The following ATP8A2 variants were observed in gnomAD, a reference collection of about 807,000 sequenced individuals.
The protein encoded by ATP8A2 is phospholipid-transporting ATPase IB.
A neutral mutation model predicts 165.6 loss-of-function variants in ATP8A2; 100 were observed. The observed-to-expected ratio is 0.60, with a 90% confidence interval of 0.51 to 0.71. ATP8A2 has a LOEUF of 0.71. Ranked by LOEUF, ATP8A2 falls within the 30% of genes least tolerant of loss-of-function variation. The pLI, the probability that ATP8A2 is intolerant of heterozygous loss-of-function variation, is 0.00. For missense variants in ATP8A2, 1,227 were observed against 1,479.5 expected (o/e 0.83, Z 2.80); for synonymous variants, 543 against 548.8 (o/e 0.99, Z 0.15).
intron 35 of ATP8A2, among the ~76,000 whole-genome samples, chr13:25,988,480 C>G (rs1158545878): frequency 2.0e-5 from 3 of 152,244 alleles, no homozygotes; most frequent in African/African-American, 7.2e-5. Context: ...GGGAACTCAG[C>G]TGCACACACA....
At chr13:25,553,406 G>A (rs547928717) in intron 11 of ATP8A2, among the ~76,000 whole-genome samples, 1 of 151,966 alleles carries the variant, frequency 6.6e-6, no homozygotes, top group African/African-American at 2.4e-5. Context: ...CAATATACAC[G>A]TACCTTAGTG....
chr13:25,434,769 C>T (rs2034708525), intron 1 of ATP8A2, among the ~76,000 whole-genome samples: 1 of 152,184 alleles, frequency 6.6e-6, no homozygotes, highest in African/African-American at 2.4e-5. Context: ...GTCTCTCACT[C>T]TTTTTTCATT....
At position 25,774,944 on chromosome 13, in the gene ATP8A2, C is replaced by G. The variant is rs2044708898; in HGVS notation, c.2664C>G (p.Val888=). 1 of 1,605,722 alleles carries G rather than the reference C, an allele frequency of 6.2e-7. No homozygotes were observed. Among genetic ancestry groups the G allele is most frequent in the East Asian group, 2.2e-5 (1 of 44,804 alleles). The change falls in exon 27 of 37, where the codon GTC becomes GTG. Residue 888 remains valine, a synonymous_variant. Transcript: ENST00000381655. ...TGTACTGCTTCTATAAGAACGTGGT[C>G]CTGTATATTATTGAGGTAAGAAGGG... ...CILYCFYKNV[V]LYIIELWFAF...
chr13:25,504,421 CTTTT>C (rs577817952), intron 2 of ATP8A2, among the ~76,000 whole-genome samples: 38 of 124,172 alleles, frequency 3.1e-4, no homozygotes, highest in African/African-American at 1.1e-3. Context: ...CTTTCCTTTC[CTTTT>C]TTTTTTTTTT....
intron 33 of ATP8A2, among the ~76,000 whole-genome samples, chr13:25,937,324 A>AT (rs1287514866): frequency 8.6e-5 from 7 of 80,944 alleles, no homozygotes; most frequent in African/African-American, 2.9e-4. Context: ...CTTTTGTGGC[A>AT]TTTTATTTTT....
intron 25 of ATP8A2, among the ~76,000 whole-genome samples, chr13:25,749,495 T>C (rs1299837816): frequency 6.6e-6 from 1 of 151,634 alleles, no homozygotes; most frequent in Admixed American, 6.6e-5. Context: ...AGTGGGAATG[T>C]GGGTGAGGAG....
At chr13:25,675,240 A>G (rs1305628433) in intron 24 of ATP8A2, among the ~76,000 whole-genome samples, 1 of 152,218 alleles carries the variant, frequency 6.6e-6, no homozygotes, top group East Asian at 1.9e-4. Context: ...TTTGCATTGC[A>G]TGACCCGTAA....
intron 24 of ATP8A2, among the ~76,000 whole-genome samples, chr13:25,644,432 A>AT (rs970600910): frequency 6.6e-6 from 1 of 151,906 alleles, no homozygotes; most frequent in Admixed American, 6.6e-5. Flanking sequence ...TTGGTGAATG[A>AT]TTCTTTTGAT....
intron 1 of ATP8A2, among the ~76,000 whole-genome samples, chr13:25,418,450 G>A (rs1285208396): frequency 6.6e-6 from 1 of 151,192 alleles, no homozygotes; most frequent in African/African-American, 2.4e-5. Flanking sequence ...TCTAGATCTA[G>A]TACCGTACCA....
intron 1 of ATP8A2, among the ~76,000 whole-genome samples, chr13:25,445,941 G>A (rs772100501): frequency 1.3e-5 from 2 of 152,104 alleles, no homozygotes; most frequent in East Asian, 1.9e-4. Flanking sequence ...AACCTGGACC[G>A]GTTGGTCAAC....
intron 1 of ATP8A2, among the ~76,000 whole-genome samples, chr13:25,403,657 C>A (rs934883761): frequency 9.2e-5 from 14 of 152,144 alleles, no homozygotes; most frequent in African/African-American, 2.7e-4. Flanking sequence ...TGTGTGGCAG[C>A]CATACTTTTT....
chr13:25,995,961 T>G (rs1182912524), intron 35 of ATP8A2, among the ~76,000 whole-genome samples: 1 of 152,224 alleles, frequency 6.6e-6, no homozygotes, highest in Non-Finnish European at 1.5e-5. Context: ...CTCTGTTACT[T>G]GGTGCATAGA....
intron 33 of ATP8A2, among the ~76,000 whole-genome samples, chr13:25,895,870 G>A (rs1247446015): frequency 7.2e-5 from 11 of 151,964 alleles, no homozygotes; most frequent in African/African-American, 2.2e-4. Flanking sequence ...CTGTGAGATC[G>A]GTGGTGATAT....
At chr13:25,792,286 C>T (rs528423570) in intron 27 of ATP8A2, among the ~76,000 whole-genome samples, 1 of 152,162 alleles carries the variant, frequency 6.6e-6, no homozygotes, top group African/African-American at 2.4e-5. Context: ...TAAAATAATC[C>T]TGCTTATTTC....
intron 35 of ATP8A2, among the ~76,000 whole-genome samples, chr13:25,979,312 GA>G (rs1019012354): frequency 6.6e-6 from 1 of 151,578 alleles, no homozygotes; most frequent in South Asian, 2.1e-4. Flanking sequence ...AACAGGAACA[GA>G]AAAAAAAATT....
At chr13:25,474,905 A>G (rs2035950668) in intron 2 of ATP8A2, among the ~76,000 whole-genome samples, 1 of 151,946 alleles carries the variant, frequency 6.6e-6, no homozygotes, top group Non-Finnish European at 1.5e-5. Flanking sequence ...ATCTCGGCTC[A>G]CTGCAACCTC....
At chr13:25,554,225 AG>A (rs2038908531) in intron 12 of ATP8A2, among the ~76,000 whole-genome samples, 1 of 152,182 alleles carries the variant, frequency 6.6e-6, no homozygotes, top group Non-Finnish European at 1.5e-5. Context: ...TTAAGGCTGA[AG>A]AAAAGGCCTC....
chr13:26,007,760 G>T (rs996789130), intron 35 of ATP8A2, among the ~76,000 whole-genome samples: 3 of 152,200 alleles, frequency 2.0e-5, no homozygotes, highest in Admixed American at 2.0e-4. Flanking sequence ...AGCCAAGGAG[G>T]CTGCATGGGA....
Position 25,961,655 on chromosome 13 carries a change from A to T in ATP8A2, c.3264A>T (p.Ala1088=). The change falls in exon 34 of 37, where the codon GCA becomes GCT. Residue 1088 remains alanine (A), a synonymous_variant. Coordinates refer to ENST00000381655, the MANE Select transcript of ATP8A2 (RefSeq NM_016529.6). ...CTGCCTGTTTGATTGAAGATGTGGC[A>T]TGGAGAGCGTAAGTTTAACAGTGAA... ...VPTACLIEDV[A]WRAAKHTCKK... The T allele has an allele frequency of 6.2e-7, 1 of 1,613,072 alleles. No homozygotes were observed. The highest frequency in any genetic ancestry group is 8.5e-7 in the Non-Finnish European group (1 of 1,179,034).
Sources: gnomAD v4.1 joint callset for allele counts (sites outside exome capture counted in the v4.1 genomes callset) on GRCh38, gnomAD v4.1.1 for gene constraint, MANE v1.5 for transcripts, NCBI Gene and HGNC (gene_info 2026-07-23, HGNC 2026-07-21) for gene names.